The following GFI1B variants were observed in gnomAD, a reference collection of about 807,000 sequenced individuals.
GFI1B encodes zinc finger protein Gfi-1b.
In GFI1B, 20 loss-of-function variants were observed where a neutral mutation model predicts 35.3. That is an observed-to-expected ratio of 0.57 (90% CI 0.40 to 0.82). The LOEUF is 0.82. Among genes scored for constraint, GFI1B ranks in the 40% least tolerant of loss-of-function variants. The pLI, the probability that GFI1B is intolerant of heterozygous loss-of-function variation, is 0.00. For synonymous variants in GFI1B, 178 were observed against 177.6 expected, an observed-to-expected ratio of 1.00 and a Z score of -0.02; for missense variants, 430 against 446.3, an observed-to-expected ratio of 0.96 and a Z score of 0.33.
rs1342724623 is a variant in GFI1B at position 132,989,356 on chromosome 9, A to G, written c.648+158A>G. ...CCCACCTCCCTGGGTCTGGGTCTCC[A>G]ACACCTGCCCTTAACAAACTTCAGA... On this transcript the variant is annotated intron_variant, in intron 5 of 6. Coordinates refer to ENST00000372122, the MANE Select transcript of GFI1B (RefSeq NM_001377304.1). The surrounding 1 kb of genome is among the most constrained non-coding windows in gnomAD (Gnocchi z 6.2). Among the ~76,000 whole-genome samples the G allele has an allele frequency of 6.6e-6, 1 of 152,040 alleles. No homozygotes were observed. Among genetic ancestry groups the G allele is most frequent in the Non-Finnish European group, 1.5e-5 (1 of 67,984 alleles).
chr9:132,947,786 G>A (rs1224201737), intron 1 of GFI1B, among the ~76,000 whole-genome samples: 1 of 140,942 alleles, frequency 7.1e-6, no homozygotes, highest in Non-Finnish European at 1.5e-5. Context: ...TCCAGCCTGG[G>A]TAACAAAGAG....
chr9:132,991,391 A>G lies in GFI1B; in HGVS notation c.*341A>G. 9.0e-6 allele frequency: 3 copies of G among 332,176 alleles called. 1 individual carries two copies. The South Asian group carries it at 9.1e-5, about 10-fold the overall frequency. The allele number at this position is 332,176 out of a possible 1,614,324, so 20.6% of individuals were successfully genotyped here. A position where few individuals can be genotyped will look rare whatever the true frequency, so the allele number is the denominator to read the frequency against. ...AGAGTAGACCAGAGCTGGGACCCAC[A>G]GACAGAACCTCCACCTGCCTGCTGC... On this transcript the variant is annotated 3_prime_UTR_variant, in exon 7 of 7. Transcript: ENST00000372122.
intron 1 of GFI1B, among the ~76,000 whole-genome samples, chr9:132,959,261 G>A (rs1319392016): frequency 6.6e-6 from 1 of 152,160 alleles, no homozygotes; most frequent in Non-Finnish European, 1.5e-5. Context: ...GTTCTCACGA[G>A]ACCTGATGGT....
At chr9:132,976,761 T>C (rs552572173), upstream of GFI1B, among the ~76,000 whole-genome samples, 30 of 152,104 alleles carry the variant, frequency 2.0e-4, no homozygotes, top group Non-Finnish European at 4.0e-4. Flanking sequence ...CTGGACAGCA[T>C]AGCAAGACCC....
intron 1 of GFI1B, among the ~76,000 whole-genome samples, 193 bp from the exon 2 acceptor site, chr9:132,986,466 A>G (rs1329293766): frequency 6.6e-6 from 1 of 152,206 alleles, no homozygotes; most frequent in African/African-American, 2.4e-5. Context: ...TGACCTCATC[A>G]TAACTTGATT....
intron 1 of GFI1B, chr9:132,952,833 C>T (rs963327723): frequency 1.3e-5 from 2 of 152,134 alleles, no homozygotes; most frequent in African/African-American, 4.8e-5. Context: ...GGCCTTTATC[C>T]AATGCTTTTT....
intron 1 of GFI1B, among the ~76,000 whole-genome samples, chr9:132,981,644 A>C (rs1020154693): frequency 6.6e-6 from 1 of 152,018 alleles, no homozygotes; most frequent in Non-Finnish European, 1.5e-5. Context: ...TCTCAAAATA[A>C]TAATAATAAT....
intron 4 of GFI1B, 137 bp downstream of exon 4, chr9:132,988,605 C>T: frequency 1.3e-6 from 1 of 798,410 alleles, no homozygotes; most frequent in Non-Finnish European, 2.0e-6. Flanking sequence ...CGTTCATCCT[C>T]ATCACCATTC....
Position 132,989,993 on chromosome 9 carries a change from G to A in GFI1B, c.814+86G>A, listed in dbSNP as rs1849231572. ...ATGCATCAGAGGCCCCCAGCGTGAG[G>A]CTGGGGGCGGGGTCTAGTTACAAAG... On this transcript the variant is annotated intron_variant, in intron 6 of 6. Transcript: ENST00000372122. This position sits in a 1 kb window ranked among gnomAD's most constrained non-coding sequence, Gnocchi z 6.2. The A allele has an allele frequency of 1.6e-6, 2 of 1,228,926 alleles. No homozygotes were observed. The highest frequency in any genetic ancestry group is 1.2e-6 in the Non-Finnish European group (1 of 845,586). The allele number at this position is 1,228,926 out of a possible 1,614,324, so 76.1% of individuals were successfully genotyped here.
intron 1 of GFI1B, among the ~76,000 whole-genome samples, chr9:132,948,559 T>C (rs1423527062): frequency 6.6e-6 from 1 of 152,276 alleles, no homozygotes. Context: ...GTTCATCCGC[T>C]TGAATTGCCT....
At chr9:132,970,499 T>A (rs1387226021) in intron 1 of GFI1B, among the ~76,000 whole-genome samples, 1 of 152,154 alleles carries the variant, frequency 6.6e-6, no homozygotes, top group Non-Finnish European at 1.5e-5. Flanking sequence ...GTTGCATGCA[T>A]CCATGGCCAC....
chr9:132,977,293 C>A (rs556283518), upstream of GFI1B, among the ~76,000 whole-genome samples: 316 of 152,244 alleles, frequency 2.1e-3, 5 homozygotes, highest in Non-Finnish European at 5.0e-4. Context: ...TTCTTTCCAC[C>A]AAGAGAGACC....
rs1222786234 is a variant in GFI1B at position 132,991,629 on chromosome 9, A to G, written c.*579A>G. ...AGGCCGTGAGGCTGGAGAAACTGGCAGTTATTGCTGTCAAAAGCCTGTTCT... is the reference window on the plus strand; with the variant it reads ...AGGCCGTGAGGCTGGAGAAACTGGCGGTTATTGCTGTCAAAAGCCTGTTCT... On this transcript the variant is annotated 3_prime_UTR_variant, in exon 7 of 7. Transcript: ENST00000372122. The G allele has an allele frequency of 4.4e-5, 7 of 159,382 alleles. No individual in the cohort carries two copies. The highest frequency in any genetic ancestry group is 9.7e-5 in the Non-Finnish European group (7 of 72,032). The allele number at this position is 159,382 out of a possible 1,614,324, so 9.9% of individuals were successfully genotyped here. A position where few individuals can be genotyped will look rare whatever the true frequency, so the allele number is the denominator to read the frequency against.
chr9:132,974,229 C>A (rs752607195), upstream of GFI1B, among the ~76,000 whole-genome samples: 1 of 152,172 alleles, frequency 6.6e-6, no homozygotes, highest in Non-Finnish European at 1.5e-5. Flanking sequence ...AGCTGTGTGC[C>A]TGGAAAAACA....
intron 2 of GFI1B, among the ~76,000 whole-genome samples, chr9:132,973,117 C>G (rs1466573258): frequency 2.0e-5 from 3 of 152,236 alleles, no homozygotes; most frequent in South Asian, 2.1e-4. Flanking sequence ...CAGGGACCAC[C>G]GGGTCCATTG....
intron 1 of GFI1B, among the ~76,000 whole-genome samples, chr9:132,984,711 T>G (rs987596678): frequency 1.3e-5 from 2 of 152,206 alleles, no homozygotes. Context: ...TTAGCAGATA[T>G]GAGCACTGAG....
chr9:132,959,656 G>A (rs1848336326), intron 1 of GFI1B, among the ~76,000 whole-genome samples: 1 of 152,202 alleles, frequency 6.6e-6, no homozygotes, highest in African/African-American at 2.4e-5. Context: ...CAATTCTCGA[G>A]GCCAAAAGTC....
At chr9:132,971,518 G>T (rs1010392695) in intron 1 of GFI1B, among the ~76,000 whole-genome samples, 4 of 152,120 alleles carry the variant, frequency 2.6e-5, no homozygotes, top group Non-Finnish European at 5.9e-5. Context: ...TGCCTGTGTG[G>T]TTACTCAAAA....
rs1205060414 is a variant in GFI1B at position 132,988,265 on chromosome 9, A to C, written c.307A>C (p.Lys103Gln). 1 of 1,613,894 alleles carries C rather than the reference A, an allele frequency of 6.2e-7. No individual in the cohort carries two copies. The highest frequency in any genetic ancestry group is 1.7e-5 in the Admixed American group (1 of 60,022). ...ACTGTCCGACTCACCCCCATTCTAC[A>C]AGCCTAGCTTCTCCTGGGACACCTT... ...SPLSDSPPFY[K>Q]PSFSWDTLAT... The change falls in exon 4 of 7, where the codon AAG becomes CAG. Residue 103 changes from lysine to glutamine, a missense_variant. Transcript: ENST00000372122.
Sources: allele counts gnomAD v4.1 joint callset (sites outside exome capture counted in the v4.1 genomes callset), GRCh38; gene constraint gnomAD v4.1.1; non-coding constraint Gnocchi (gnomAD v3.1); transcripts MANE v1.5; gene names NCBI Gene and HGNC (gene_info 2026-07-23, HGNC 2026-07-21).